The following CDH2 variants were observed in gnomAD, a reference collection of about 807,000 sequenced individuals.
CDH2 encodes the protein cadherin-2.
CDH2 carries 17 observed loss-of-function variants against 92.0 expected under a neutral mutation model. The ratio of observed to expected loss-of-function variants is 0.18; its 90% CI spans 0.13 to 0.28. The LOEUF is 0.28. CDH2 is among the 10% of genes least tolerant of loss of function. The probability of loss-of-function intolerance (pLI) is 1.00; values close to 1 mark genes in which losing one functional copy is unlikely to be tolerated. For missense variants in CDH2, 862 were observed against 1,133.1 expected, an observed-to-expected ratio of 0.76 and a Z score of 3.44; for synonymous variants, 419 against 415.9, an observed-to-expected ratio of 1.01 and a Z score of -0.09.
intron 1 of CDH2, among the ~76,000 whole-genome samples, chr18:28,162,966 G>GT (rs2016328225): frequency 6.6e-6 from 1 of 152,128 alleles, no homozygotes; most frequent in Non-Finnish European, 1.5e-5. Context: ...TATCTAGAAG[G>GT]TTCTCAGTGC....
At chr18:28,167,254 G>A (rs1489824321) in intron 1 of CDH2, among the ~76,000 whole-genome samples, 1 of 152,108 alleles carries the variant, frequency 6.6e-6, no homozygotes, top group African/African-American at 2.4e-5. Flanking sequence ...AAATGTATTT[G>A]GCATTTGGCT....
intron 15 of CDH2, among the ~76,000 whole-genome samples, chr18:27,953,255 G>A (rs1909551634): frequency 6.6e-6 from 1 of 152,064 alleles, no homozygotes; most frequent in Non-Finnish European, 1.5e-5. Flanking sequence ...AAGAAACAAG[G>A]AAATAACTAC....
At chr18:27,988,750 G>A in intron 10 of CDH2, 84 bp from the exon 11 acceptor site, 1 of 974,952 alleles carries the variant, frequency 1.0e-6, no homozygotes. Flanking sequence ...AATGCAACTG[G>A]CTCATTAACT....
intron 2 of CDH2, among the ~76,000 whole-genome samples, chr18:28,062,546 T>C (rs1369636800): frequency 6.6e-6 from 1 of 152,236 alleles, no homozygotes; most frequent in Non-Finnish European, 1.5e-5. Flanking sequence ...AAGTAATCCA[T>C]GCTGTGCAAC....
intron 2 of CDH2, among the ~76,000 whole-genome samples, chr18:28,141,889 G>A (rs2015959889): frequency 6.6e-6 from 1 of 151,358 alleles, no homozygotes; most frequent in Non-Finnish European, 1.5e-5. Flanking sequence ...AATATGTAAG[G>A]CCCTTGAACC....
intron 2 of CDH2, among the ~76,000 whole-genome samples, chr18:28,072,795 T>C (rs2014644019): frequency 6.6e-6 from 1 of 152,264 alleles, no homozygotes; most frequent in Admixed American, 6.5e-5. Flanking sequence ...ATTTCTGCTT[T>C]ACGCAAAGAG....
chr18:28,060,068 C>T (rs1288490522), intron 2 of CDH2, among the ~76,000 whole-genome samples: 1 of 152,022 alleles, frequency 6.6e-6, no homozygotes, highest in African/African-American at 2.4e-5. Context: ...AAGTTCCTAT[C>T]AGGAGTACAT....
intron 2 of CDH2, among the ~76,000 whole-genome samples, chr18:28,125,857 A>G (rs1390792855): frequency 2.0e-5 from 3 of 152,182 alleles, no homozygotes; most frequent in African/African-American, 7.2e-5. Flanking sequence ...TTAAGTTTAC[A>G]TTTAAGAAAT....
chr18:28,176,449 G>C (rs1048719040), intron 1 of CDH2, among the ~76,000 whole-genome samples: 1 of 152,208 alleles, frequency 6.6e-6, no homozygotes, highest in Admixed American at 6.5e-5. Flanking sequence ...GGACAGTAGA[G>C]CCCTTGAGCA....
At chr18:28,096,087 A>G (rs1308647169) in intron 2 of CDH2, among the ~76,000 whole-genome samples, 1 of 152,146 alleles carries the variant, frequency 6.6e-6, no homozygotes. Flanking sequence ...TCTGGATCCA[A>G]GTGGAAACCC....
chr18:27,950,322 T>G (rs1262888855), downstream of CDH2, among the ~76,000 whole-genome samples: 1 of 152,122 alleles, frequency 6.6e-6, no homozygotes, highest in African/African-American at 2.4e-5. Context: ...TAAATACAAG[T>G]GGAGAATTCC....
intron 2 of CDH2, among the ~76,000 whole-genome samples, chr18:28,108,772 TACCTAAAAAAAAAAAAAAG>T (rs1465155588): frequency 6.8e-6 from 1 of 147,052 alleles, no homozygotes; most frequent in Non-Finnish European, 1.5e-5. Flanking sequence ...AACATAGATG[TACCTAAAAAAAAAAAAAAG>T]ACAGAAACAG....
chr18:27,933,846 C>T (rs1908960584), intron 6 of CDH2, among the ~76,000 whole-genome samples: 1 of 152,122 alleles, frequency 6.6e-6, no homozygotes, highest in Non-Finnish European at 1.5e-5. Context: ...TAAGACTTTC[C>T]AAACCCGATA....
chr18:27,955,761 G>GTTTTTTTT lies in CDH2; in HGVS notation c.2515-3410_2515-3403dup, dbSNP rs5823568. 7.2e-5 allele frequency among the ~76,000 whole-genome samples: 8 copies of GTTTTTTTT among 111,698 alleles called. 1 individual carries two copies. The highest frequency in any genetic ancestry group is 2.8e-4 in the East Asian group (1 of 3,584). 73.3% of individuals were successfully genotyped at this position (111,698 alleles called of 152,430 possible). On this transcript the variant is annotated intron_variant, in intron 15 of 15. Coordinates refer to ENST00000269141, the MANE Select transcript of CDH2 (RefSeq NM_001792.5). ...ACAAATCTCTGTTTTCTTTATTTCT[G>GTTTTTTTT]TTTTTTTTTTTTTTTTTTTAAAGAG... is the stretch of plus-strand genomic sequence containing the variant.
chr18:28,067,212 T>C (rs1386327529), intron 2 of CDH2, among the ~76,000 whole-genome samples: 1 of 152,214 alleles, frequency 6.6e-6, no homozygotes, highest in African/African-American at 2.4e-5. Flanking sequence ...AACAGCTTTA[T>C]TCAGATAATT....
intron 2 of CDH2, among the ~76,000 whole-genome samples, chr18:28,026,824 T>C (rs951433827): frequency 2.0e-5 from 3 of 152,142 alleles, no homozygotes; most frequent in African/African-American, 7.2e-5. Context: ...ATGTAAGCAT[T>C]AGTGATGCTC....
At chr18:28,062,252 T>C (rs1410721081) in intron 2 of CDH2, among the ~76,000 whole-genome samples, 1 of 152,256 alleles carries the variant, frequency 6.6e-6, no homozygotes, top group Non-Finnish European at 1.5e-5. Context: ...GCTAAAATTA[T>C]TTCAAAAGAA....
rs1364831199 is a variant in CDH2, at chr18:28,156,708, C to CATGTCACCTTCCCAGGTACAGA, written c.61-8925_61-8924insTCTGTACCTGGGAAGGTGACAT. Among the ~76,000 whole-genome samples, 8 of 21,068 alleles carry CATGTCACCTTCCCAGGTACAGA rather than the reference C, an allele frequency of 3.8e-4. 3 individuals are homozygous for CATGTCACCTTCCCAGGTACAGA. Among genetic ancestry groups the CATGTCACCTTCCCAGGTACAGA allele is most frequent in the Admixed American group, 9.4e-4 (2 of 2,130 alleles). 13.8% of individuals were successfully genotyped at this position (21,068 alleles called of 152,430 possible). A position where few individuals can be genotyped will look rare whatever the true frequency, so the allele number is the denominator to read the frequency against. ...CAGCATGTCACCTTCCCAGGTACAG[C>CATGTCACCTTCCCAGGTACAGA]ATGTCACCTTCCCAGGTATAGCATG... On this transcript the variant is annotated intron_variant, in intron 1 of 15. Transcript: ENST00000269141.
rs181456195 is a variant in CDH2 at position 27,980,267 on chromosome 18, A to G, written c.2349+2677T>C. On this transcript the variant is annotated intron_variant, in intron 14 of 15. Transcript: ENST00000269141. ...GACGCTTTCTCATGGGCCTTTACCT[A>G]GTGTATGAGGGGGTAAACCAAAGGT... Among the ~76,000 whole-genome samples the G allele has an allele frequency of 1.4e-3, 213 of 152,244 alleles. 1 individual carries two copies. The highest frequency in any genetic ancestry group is 4.4e-3 in the African/African-American group (184 of 41,550).
Sources: gnomAD v4.1 joint callset for allele counts (sites outside exome capture counted in the v4.1 genomes callset) on GRCh38, gnomAD v4.1.1 for gene constraint, MANE v1.5 for transcripts, NCBI Gene and HGNC (gene_info 2026-07-23, HGNC 2026-07-21) for gene names.